TRIM62: variants seen among roughly 807,000 people sequenced by gnomAD.
TRIM62 encodes the protein E3 ubiquitin-protein ligase TRIM62.
TRIM62 carries 39 observed loss-of-function variants against 44.2 expected under a neutral mutation model. The ratio of observed to expected loss-of-function variants is 0.88; its 90% confidence interval spans 0.68 to 1.15. The LOEUF (loss-of-function observed/expected upper bound fraction) is 1.15. Ranked by LOEUF, TRIM62 falls within the 50% of genes most tolerant of loss-of-function variation. The pLI is 0.00. For missense variants in TRIM62, 544 were observed against 665.5 expected, an observed-to-expected ratio of 0.82 and a Z score of 2.01; for synonymous variants, 278 against 292.3, an observed-to-expected ratio of 0.95 and a Z score of 0.50.
rs1370504304 is a variant in TRIM62 at position 33,180,887 on chromosome 1, G to C, written c.408+138C>G. The C allele has an allele frequency of 2.8e-5, 19 of 686,836 alleles. No individual in the cohort carries two copies. In the Admixed American group the frequency reaches 5.4e-4, roughly 20 times the overall value. The allele number at this position is 686,836 out of a possible 1,614,324, so 42.5% of individuals were successfully genotyped here. A position where few individuals can be genotyped will look rare whatever the true frequency, so the allele number is the denominator to read the frequency against. ...CCTGCCCCGCGTTACTCCTGATAGG[G>C]CCCTGACCTTGCTGGCGGCCCCGCC... On this transcript the variant is annotated intron_variant, in intron 1 of 4. Coordinates refer to ENST00000291416, the MANE Select transcript of TRIM62 (RefSeq NM_018207.3).
intron 4 of TRIM62, among the ~76,000 whole-genome samples, chr1:33,155,688 G>A (rs2124723631): frequency 1.3e-5 from 2 of 152,236 alleles, no homozygotes; most frequent in East Asian, 3.9e-4. Flanking sequence ...AAAAAATGAG[G>A]ATAATAACAC....
chr1:33,181,135 T>A lies in TRIM62; in HGVS notation c.298A>T (p.Lys100Ter), dbSNP rs1313244794. Residue 100 changes from lysine (K) to a stop codon, truncating the protein, a stop_gained, in exon 1 of 5, where the codon AAG becomes TAG. Coordinates refer to ENST00000291416, the MANE Select transcript of TRIM62 (RefSeq NM_018207.3). LOFTEE classifies it high-confidence loss of function. The surrounding 1 kb of genome is among the most constrained non-coding windows in gnomAD (Gnocchi z 6.5). ...ARPCQAHDKV[K>*]LFCLTDRALL... ...GCGCGGTCCGTGAGGCAGAAGAGCT[T>A]GACCTTGTCGTGCGCCTGGCAGGGT... 3.1e-6 allele frequency: 5 copies of A among 1,600,860 alleles called. No individual in the cohort carries two copies. The highest frequency in any genetic ancestry group is 4.2e-6 in the Non-Finnish European group (5 of 1,178,718).
intron 1 of TRIM62, among the ~76,000 whole-genome samples, chr1:33,169,486 A>G (rs1417913722): frequency 6.6e-6 from 1 of 152,164 alleles, no homozygotes; most frequent in Non-Finnish European, 1.5e-5. Context: ...CCTGCACAGC[A>G]GCTGCAGTGA....
At chr1:33,151,089 C>G (rs1645090744) in intron 4 of TRIM62, among the ~76,000 whole-genome samples, 1 of 152,046 alleles carries the variant, frequency 6.6e-6, no homozygotes, top group Non-Finnish European at 1.5e-5. Flanking sequence ...ATGTGAGCCA[C>G]TTGTGGTGCC....
Position 33,181,373 on chromosome 1 carries a change from G to C in TRIM62, c.60C>G (p.Asp20Glu). ...AATGCTCGCAGCCCAGGCTCACCGG[G>C]TCCTGGTAGATGCTCAGGCAGATGG... The part of the protein sequence containing the change: ...LCSICLSIYQ[D>E]PVSLGCEHYF... The change falls in exon 1 of 5, where the codon GAC (aspartate) becomes GAG (glutamate). Residue 20 changes from aspartate (D) to glutamate (E), a missense_variant. Transcript: ENST00000291416. This position sits in a 1 kb window ranked among gnomAD's most constrained non-coding sequence, Gnocchi z 6.5. 6.2e-7 allele frequency: 1 copy of C among 1,600,464 alleles called. No homozygotes were observed. The highest frequency in any genetic ancestry group is 8.5e-7 in the Non-Finnish European group (1 of 1,176,186).
chr1:33,178,550 G>GT (rs1262751064), intron 1 of TRIM62, among the ~76,000 whole-genome samples: 2 of 152,246 alleles, frequency 1.3e-5, no homozygotes, highest in African/African-American at 4.8e-5. Flanking sequence ...AAGGTGGGCT[G>GT]TATGTTATTC....
At chr1:33,150,246 T>C (rs773150193) in intron 4 of TRIM62, among the ~76,000 whole-genome samples, 33 of 152,192 alleles carry the variant, frequency 2.2e-4, no homozygotes, top group South Asian at 4.1e-4. Flanking sequence ...TCTGGCTCTT[T>C]CCTTTACTGG....
chr1:33,174,329 A>T (rs1374956651), intron 1 of TRIM62, among the ~76,000 whole-genome samples: 2 of 152,110 alleles, frequency 1.3e-5, no homozygotes, highest in Non-Finnish European at 2.9e-5. Context: ...CTACAGGTGC[A>T]TGAAACCATG....
At chr1:33,155,149 G>A (rs930962387) in intron 4 of TRIM62, among the ~76,000 whole-genome samples, 2 of 149,496 alleles carry the variant, frequency 1.3e-5, no homozygotes, top group Non-Finnish European at 3.0e-5. Context: ...TCGGCTCATT[G>A]CAGCCTTCAC....
At chr1:33,168,733 C>G (rs774081060) in intron 1 of TRIM62, among the ~76,000 whole-genome samples, 1 of 152,188 alleles carries the variant, frequency 6.6e-6, no homozygotes, top group African/African-American at 2.4e-5. Context: ...GTAGAAAGAC[C>G]GCTCCTCAGG....
rs1294419833 is a variant in TRIM62 at position 33,158,247 on chromosome 1, C to A, written c.877+6G>T. 6.2e-7 allele frequency: 1 copy of A among 1,611,286 alleles called. No homozygotes were observed. The highest frequency in any genetic ancestry group is 1.3e-5 in the African/African-American group (1 of 74,880). On this transcript the variant is annotated splice_donor_region_variant and intron_variant, in intron 4 of 4. Transcript: ENST00000291416. The stretch of plus-strand genomic sequence containing the variant: ...TAGCTCTGGACCATGATAACCCATG[C>A]CTTACCTGGGTGGATGTCCTGGAAC...
intron 4 of TRIM62, among the ~76,000 whole-genome samples, chr1:33,152,517 A>G (rs1036574274): frequency 1.1e-4 from 16 of 150,654 alleles, no homozygotes; most frequent in Non-Finnish European, 1.8e-4. Flanking sequence ...TGGTGAGCCA[A>G]GATTGTGCCA....
intron 2 of TRIM62, 135 bp from the exon 3 acceptor site, chr1:33,160,079 A>C: frequency 8.7e-7 from 1 of 1,142,946 alleles, no homozygotes; most frequent in Non-Finnish European, 1.2e-6. Flanking sequence ...GGGAAATGTC[A>C]CATGCAAAAG....
At chr1:33,179,954 AT>A (rs1228995438) in intron 1 of TRIM62, among the ~76,000 whole-genome samples, 1 of 152,214 alleles carries the variant, frequency 6.6e-6, no homozygotes, top group African/African-American at 2.4e-5. Flanking sequence ...ACACTTATTA[AT>A]AGAGAGCATT....
At chr1:33,162,215 C>T (rs1645278010) in intron 2 of TRIM62, among the ~76,000 whole-genome samples, 2 of 152,194 alleles carry the variant, frequency 1.3e-5, no homozygotes, top group African/African-American at 2.4e-5. Context: ...ATGCTGAACT[C>T]TTTAGTCTGG....
At chr1:33,173,112 A>G (rs1419984037) in intron 1 of TRIM62, among the ~76,000 whole-genome samples, 1 of 152,084 alleles carries the variant, frequency 6.6e-6, no homozygotes, top group Non-Finnish European at 1.5e-5. Flanking sequence ...CCCCAACCCC[A>G]ATCCTTCATC....
intron 1 of TRIM62, 72 bp downstream of exon 1, chr1:33,180,953 T>TGG: frequency 1.4e-6 from 1 of 724,330 alleles, no homozygotes; most frequent in Non-Finnish European, 2.0e-6. Flanking sequence ...GGTCCAGCCC[T>TGG]GACCCCACCC....
intron 4 of TRIM62, among the ~76,000 whole-genome samples, chr1:33,152,423 G>A (rs1438658551): frequency 6.6e-6 from 1 of 152,058 alleles, no homozygotes; most frequent in Admixed American, 6.6e-5. Context: ...AAAAATTAGC[G>A]GCGCATGGTG....
chr1:33,158,424 C>A, intron 3 of TRIM62, 56 bp from the exon 4 acceptor site: 1 of 1,499,762 alleles, frequency 6.7e-7, no homozygotes, highest in Non-Finnish European at 9.3e-7. Context: ...TGCCCCAATG[C>A]CAGGGGCCCC....
Sources: gnomAD v4.1 joint callset for allele counts (sites outside exome capture counted in the v4.1 genomes callset) on GRCh38, gnomAD v4.1.1 for gene constraint, Gnocchi (gnomAD v3.1) non-coding constraint, MANE v1.5 for transcripts, NCBI Gene and HGNC (gene_info 2026-07-23, HGNC 2026-07-21) for gene names.